Variants in RFX3 observed in about 807,000 individuals in gnomAD.
RFX3 encodes the protein regulatory factor X3, also known as transcription factor RFX3.
Under a neutral mutation model 98.6 loss-of-function variants are expected in RFX3, and 14 were observed. The observed-to-expected ratio is 0.14, with a 90% CI of 0.09 to 0.22. The LOEUF is 0.22. RFX3 is among the 10% of genes least tolerant of loss of function. The pLI is 1.00. For missense variants in RFX3, 639 were observed against 926.9 expected, an observed-to-expected ratio of 0.69 and a Z score of 4.03; for synonymous variants, 383 against 328.4, an observed-to-expected ratio of 1.17 and a Z score of -1.80.
intron 2 of RFX3, among the ~76,000 whole-genome samples, chr9:3,388,133 T>C (rs1256291589): frequency 1.3e-5 from 2 of 152,154 alleles, no homozygotes; most frequent in African/African-American, 4.8e-5. Flanking sequence ...AACGACATAC[T>C]ACTCAGAATA....
chr9:3,369,776 G>A (rs1837593936), intron 2 of RFX3, among the ~76,000 whole-genome samples: 1 of 152,040 alleles, frequency 6.6e-6, no homozygotes, highest in Admixed American at 6.6e-5. Context: ...ACTAATTTGG[G>A]GCTCAATTAA....
chr9:3,422,645 C>T (rs1843556442), intron 1 of RFX3, among the ~76,000 whole-genome samples: 1 of 152,068 alleles, frequency 6.6e-6, no homozygotes, highest in Admixed American at 6.6e-5. Context: ...ATAAGTCAGG[C>T]TTATTATTTT....
At chr9:3,319,766 C>A (rs1250379611) in intron 4 of RFX3, among the ~76,000 whole-genome samples, 1 of 151,922 alleles carries the variant, frequency 6.6e-6, no homozygotes, top group African/African-American at 2.4e-5. Flanking sequence ...GCTCCATTAG[C>A]CCATACTGTT....
intron 15 of RFX3, among the ~76,000 whole-genome samples, chr9:3,236,426 T>C (rs1819159889): frequency 6.6e-6 from 1 of 152,122 alleles, no homozygotes; most frequent in Non-Finnish European, 1.5e-5. Flanking sequence ...AAGCTCCATA[T>C]CCAAAAGAAT....
At chr9:3,434,083 A>AT (rs1844902543) in intron 1 of RFX3, among the ~76,000 whole-genome samples, 1 of 152,096 alleles carries the variant, frequency 6.6e-6, no homozygotes, top group Non-Finnish European at 1.5e-5. Context: ...GTGGGGCCTG[A>AT]GATTCTGCAT....
intron 4 of RFX3, among the ~76,000 whole-genome samples, chr9:3,324,586 T>TAA (rs75741380): frequency 1.6e-4 from 21 of 135,066 alleles, no homozygotes; most frequent in African/African-American, 4.4e-4. Flanking sequence ...ACCATTTGTG[T>TAA]AAAAAAAAAA....
intron 2 of RFX3, among the ~76,000 whole-genome samples, chr9:3,369,975 C>T (rs1037903079): frequency 6.6e-6 from 1 of 150,562 alleles, no homozygotes; most frequent in African/African-American, 2.4e-5. Context: ...ACTACAGGCG[C>T]CCGCCACTAC....
At chr9:3,453,877 AT>A (rs1416454263) in intron 1 of RFX3, among the ~76,000 whole-genome samples, 1 of 152,104 alleles carries the variant, frequency 6.6e-6, no homozygotes, top group Non-Finnish European at 1.5e-5. Context: ...TATTTTAAAT[AT>A]ATTTTTAAAT....
chr9:3,468,768 G>A (rs1461983872), intron 1 of RFX3, among the ~76,000 whole-genome samples: 1 of 136,288 alleles, frequency 7.3e-6, no homozygotes, highest in African/African-American at 2.8e-5. Context: ...ATTAGCCTTG[G>A]ACAACTGAAA....
At chr9:3,411,003 C>A (rs1366054207) in intron 1 of RFX3, among the ~76,000 whole-genome samples, 1 of 152,120 alleles carries the variant, frequency 6.6e-6, no homozygotes, top group Non-Finnish European at 1.5e-5. Flanking sequence ...TCTATGTAAT[C>A]TTGCTTATGA....
intron 1 of RFX3, among the ~76,000 whole-genome samples, chr9:3,492,940 G>A (rs528073315): frequency 7.2e-5 from 11 of 152,234 alleles, no homozygotes; most frequent in African/African-American, 1.9e-4. Flanking sequence ...TATTGGTGTC[G>A]GGGTGGGCCT....
chr9:3,487,631 C>T (rs1850387274), intron 1 of RFX3, among the ~76,000 whole-genome samples: 1 of 152,150 alleles, frequency 6.6e-6, no homozygotes, highest in Admixed American at 6.5e-5. Flanking sequence ...CTCTAATTTA[C>T]AGTCCTTCCA....
chr9:3,428,736 A>T (rs2132489992), intron 1 of RFX3, among the ~76,000 whole-genome samples: 1 of 152,306 alleles, frequency 6.6e-6, no homozygotes, highest in Middle Eastern at 3.4e-3. Context: ...ATCTGTCCCC[A>T]AACTACAACA....
chr9:3,382,464 G>C (rs2131724618), intron 2 of RFX3, among the ~76,000 whole-genome samples: 1 of 152,152 alleles, frequency 6.6e-6, no homozygotes, highest in South Asian at 2.1e-4. Flanking sequence ...TGGAAACTGA[G>C]GGCCTTCAGT....
At chr9:3,416,076 G>T (rs1359414779) in intron 1 of RFX3, among the ~76,000 whole-genome samples, 3 of 152,190 alleles carry the variant, frequency 2.0e-5, no homozygotes, top group Non-Finnish European at 4.4e-5. Context: ...AATTTACTGT[G>T]TAAGTAAAAT....
chr9:3,336,748 C>T (rs2130982635), intron 3 of RFX3, among the ~76,000 whole-genome samples: 1 of 152,170 alleles, frequency 6.6e-6, no homozygotes, highest in African/African-American at 2.4e-5. Flanking sequence ...AACTGCAGGC[C>T]ATGATCCAGT....
intron 1 of RFX3, among the ~76,000 whole-genome samples, chr9:3,412,787 AT>A (rs1842568157): frequency 6.6e-6 from 1 of 152,128 alleles, no homozygotes; most frequent in Non-Finnish European, 1.5e-5. Context: ...AAAACTGCAA[AT>A]TTCTTACTTT....
At chr9:3,383,248 T>A (rs1014270471) in intron 2 of RFX3, among the ~76,000 whole-genome samples, 4 of 152,254 alleles carry the variant, frequency 2.6e-5, no homozygotes, top group African/African-American at 7.2e-5. Context: ...ATCACTTTTT[T>A]AAATTTGCTA....
chr9:3,475,782 G>A (rs980664504), intron 1 of RFX3, among the ~76,000 whole-genome samples: 5 of 152,146 alleles, frequency 3.3e-5, no homozygotes, highest in African/African-American at 1.2e-4. Flanking sequence ...GATAACTGTG[G>A]GCAGGCTTGA....
Sources: allele counts gnomAD v4.1 joint callset (sites outside exome capture counted in the v4.1 genomes callset), GRCh38; gene constraint gnomAD v4.1.1; transcripts MANE v1.5; gene names NCBI Gene and HGNC (gene_info 2026-07-23, HGNC 2026-07-21).